The following RALYL variants were observed in gnomAD, a reference collection of about 807,000 sequenced individuals.
The protein encoded by RALYL is RALY RNA binding protein like, also known as RNA-binding Raly-like protein.
In RALYL, 29 loss-of-function variants were observed where a neutral mutation model predicts 35.1. The ratio of observed to expected loss-of-function variants is 0.83; its 90% CI spans 0.61 to 1.13. The LOEUF is 1.13. RALYL is among the 50% of genes most tolerant of loss of function. The pLI is 0.00. For synonymous variants in RALYL, 120 were observed against 127.6 expected (o/e 0.94, Z 0.40); for missense variants, 359 against 360.4 (o/e 1.00, Z 0.03).
intron 2 of RALYL, among the ~76,000 whole-genome samples, chr8:84,625,712 G>A (rs573529404): frequency 3.9e-5 from 6 of 152,336 alleles, no homozygotes; most frequent in Non-Finnish European, 7.4e-5. Flanking sequence ...AACTCTGGAA[G>A]TCTGAAATCA....
chr8:84,342,295 T>TATAA (rs1053647755), intron 1 of RALYL, among the ~76,000 whole-genome samples: 3 of 119,680 alleles, frequency 2.5e-5, no homozygotes, highest in African/African-American at 1.1e-4. Flanking sequence ...TATATATATA[T>TATAA]AAAACTCAAA....
At chr8:84,486,061 A>G (rs1363035226) in intron 1 of RALYL, among the ~76,000 whole-genome samples, 2 of 143,658 alleles carry the variant, frequency 1.4e-5, no homozygotes, top group African/African-American at 2.6e-5. Flanking sequence ...ACAGTAGCCT[A>G]CAAGGCTCCA....
At chr8:84,215,861 G>A (rs972458003) in intron 1 of RALYL, among the ~76,000 whole-genome samples, 5 of 152,088 alleles carry the variant, frequency 3.3e-5, no homozygotes, top group Non-Finnish European at 5.9e-5. Flanking sequence ...CGTACGCATG[G>A]CAAACAACAA....
intron 2 of RALYL, among the ~76,000 whole-genome samples, chr8:84,551,707 T>C (rs1433109481): frequency 6.6e-6 from 1 of 152,142 alleles, no homozygotes; most frequent in Non-Finnish European, 1.5e-5. Flanking sequence ...TCTAGAAAGA[T>C]AGTGGGAATA....
intron 1 of RALYL, among the ~76,000 whole-genome samples, chr8:84,311,497 T>G (rs954988597): frequency 6.6e-6 from 1 of 152,162 alleles, no homozygotes; most frequent in African/African-American, 2.4e-5. Context: ...CATTTTTTAC[T>G]ATGGTAGCAA....
intron 1 of RALYL, among the ~76,000 whole-genome samples, chr8:84,192,998 T>C (rs1449101401): frequency 2.0e-5 from 3 of 152,018 alleles, no homozygotes; most frequent in Non-Finnish European, 4.4e-5. Context: ...TATTGTGTTA[T>C]TCTTTCTAGT....
intron 1 of RALYL, among the ~76,000 whole-genome samples, chr8:84,419,306 C>A (rs1021073638): frequency 5.3e-5 from 8 of 152,204 alleles, no homozygotes; most frequent in Non-Finnish European, 1.2e-4. Context: ...TTGGTATTAA[C>A]GTCTGTCAAT....
chr8:84,628,539 C>T (rs1188989548), intron 2 of RALYL, among the ~76,000 whole-genome samples: 2 of 151,948 alleles, frequency 1.3e-5, no homozygotes, highest in African/African-American at 4.8e-5. Context: ...TAATATTCAC[C>T]AAAAGAGTAA....
chr8:84,829,124 C>CTT (rs1294966594), intron 4 of RALYL, among the ~76,000 whole-genome samples: 1 of 152,102 alleles, frequency 6.6e-6, no homozygotes, highest in Non-Finnish European at 1.5e-5. Flanking sequence ...CAAGGCACAT[C>CTT]TTATGTGATG....
intron 1 of RALYL, among the ~76,000 whole-genome samples, chr8:84,208,403 T>C (rs553921806): frequency 6.6e-6 from 1 of 152,290 alleles, no homozygotes; most frequent in South Asian, 2.1e-4. Flanking sequence ...ATATGATTGG[T>C]ACCTTTTTTA....
chr8:84,191,203 T>TGTGTGTGTAC (rs997878846), intron 1 of RALYL, among the ~76,000 whole-genome samples: 4 of 151,794 alleles, frequency 2.6e-5, no homozygotes, highest in Non-Finnish European at 4.4e-5. Context: ...TGTGTGTGTG[T>TGTGTGTGTAC]GTGTGTGTGT....
chr8:84,310,996 G>A lies in RALYL; in HGVS notation c.-24+126572G>A, dbSNP rs532186198. 7.9e-4 allele frequency among the ~76,000 whole-genome samples: 97 copies of A among 122,522 alleles called. 3 individuals are homozygous for A. The South Asian group carries it at 0.024, about 30-fold the overall frequency. The allele number at this position is 122,522 out of a possible 152,430, so 80.4% of individuals were successfully genotyped here. On this transcript the variant is annotated intron_variant, in intron 1 of 8. Transcript: ENST00000521268. ...CGGGAAGCGGAGCTTGCAGTGAGCC[G>A]AGATTGCGCCACTGCAGTCCGCAGT... is the stretch of plus-strand genomic sequence containing the variant.
chr8:84,281,451 T>C (rs1438395294), intron 1 of RALYL, among the ~76,000 whole-genome samples: 2 of 151,932 alleles, frequency 1.3e-5, no homozygotes, highest in Non-Finnish European at 2.9e-5. Context: ...AACATATGAA[T>C]GAAAGAATTT....
At chr8:84,492,755 T>C (rs556991242) in intron 1 of RALYL, among the ~76,000 whole-genome samples, 10 of 152,242 alleles carry the variant, frequency 6.6e-5, no homozygotes, top group Non-Finnish European at 1.0e-4. Context: ...AAATATATCT[T>C]TCAAAAGGTA....
intron 3 of RALYL, among the ~76,000 whole-genome samples, chr8:84,798,423 T>C (rs951484484): frequency 1.2e-4 from 19 of 152,372 alleles, no homozygotes; most frequent in African/African-American, 4.6e-4. Flanking sequence ...TGTGTAGTTA[T>C]ATATTTATTT....
At chr8:84,279,302 G>A (rs538593452) in intron 1 of RALYL, among the ~76,000 whole-genome samples, 44 of 152,204 alleles carry the variant, frequency 2.9e-4, no homozygotes, top group Admixed American at 1.4e-3. Context: ...GGACACAGCC[G>A]AACCATATCA....
At chr8:84,651,388 A>T (rs1414199232) in intron 2 of RALYL, among the ~76,000 whole-genome samples, 1 of 151,904 alleles carries the variant, frequency 6.6e-6, no homozygotes, top group Non-Finnish European at 1.5e-5. Flanking sequence ...TAAATTTCTT[A>T]TTTCTAGGCA....
At chr8:84,504,935 C>T (rs1164766749) in intron 1 of RALYL, among the ~76,000 whole-genome samples, 1 of 152,106 alleles carries the variant, frequency 6.6e-6, no homozygotes. Context: ...GCTACGCCCG[C>T]ACCCCTATTT....
At chr8:84,597,586 G>A (rs567429830) in intron 2 of RALYL, among the ~76,000 whole-genome samples, 2 of 151,988 alleles carry the variant, frequency 1.3e-5, no homozygotes, top group South Asian at 4.2e-4. Flanking sequence ...TCTAAAGTAG[G>A]GATCAGCAAA....
Sources: gnomAD v4.1 joint callset for allele counts (sites outside exome capture counted in the v4.1 genomes callset) on GRCh38, gnomAD v4.1.1 for gene constraint, MANE v1.5 for transcripts, NCBI Gene and HGNC (gene_info 2026-07-23, HGNC 2026-07-21) for gene names.